The following VANGL1 variants were observed in gnomAD, a reference collection of about 807,000 sequenced individuals.
VANGL1 encodes the protein VANGL planar cell polarity protein 1.
VANGL1 carries 18 observed loss-of-function variants against 48.4 expected under a neutral mutation model. The ratio of observed to expected loss-of-function variants is 0.37; its 90% CI spans 0.26 to 0.55. VANGL1 has a LOEUF of 0.55. Ranked by LOEUF, VANGL1 falls within the 20% of genes least tolerant of loss-of-function variation. VANGL1 has a pLI of 0.81. For missense variants in VANGL1, 667 were observed against 675.8 expected (o/e 0.99, Z 0.14); for synonymous variants, 257 against 261.8 (o/e 0.98, Z 0.18).
intron 4 of VANGL1, among the ~76,000 whole-genome samples, chr1:115,672,230 C>T (rs1041092606): frequency 2.0e-5 from 3 of 152,162 alleles, no homozygotes; most frequent in Admixed American, 6.5e-5. Context: ...ACTTCCTTGG[C>T]GCTCTGGGAT....
At chr1:115,686,224 A>G (rs1653611470) in intron 7 of VANGL1, among the ~76,000 whole-genome samples, 1 of 152,184 alleles carries the variant, frequency 6.6e-6, no homozygotes, top group East Asian at 1.9e-4. Context: ...AGTGCTTGAA[A>G]CAGTACCTGT....
At chr1:115,681,308 A>G (rs1392294468) in intron 4 of VANGL1, among the ~76,000 whole-genome samples, 4 of 151,908 alleles carry the variant, frequency 2.6e-5, no homozygotes, top group Non-Finnish European at 5.9e-5. Flanking sequence ...CCTCTCTCCC[A>G]CTTGTTGATG....
intron 4 of VANGL1, among the ~76,000 whole-genome samples, chr1:115,665,821 G>A (rs1402486516): frequency 6.6e-6 from 1 of 152,174 alleles, no homozygotes; most frequent in African/African-American, 2.4e-5. Context: ...GGAATGACCA[G>A]CAGTTTTGTG....
At chr1:115,671,804 G>A (rs1652986254) in intron 4 of VANGL1, among the ~76,000 whole-genome samples, 1 of 152,196 alleles carries the variant, frequency 6.6e-6, no homozygotes, top group African/African-American at 2.4e-5. Context: ...CACTTGTAGG[G>A]AAGCGTGTCT....
intron 4 of VANGL1, among the ~76,000 whole-genome samples, chr1:115,677,967 C>T (rs1274434790): frequency 2.0e-5 from 3 of 152,106 alleles, no homozygotes; most frequent in African/African-American, 7.2e-5. Context: ...GCCCTTTTTG[C>T]CTCTGAAATT....
In VANGL1 at chr1:115,663,580, C is replaced by A. The variant is rs900914940; in HGVS notation, c.205-81C>A. ...TGTGAATAGGGCTGGGTAGATGCAG[C>A]GGGCCCTGCATGTTCACTGCCCTTT... On this transcript the variant is annotated intron_variant, in intron 3 of 7. Coordinates refer to ENST00000355485, the MANE Select transcript of VANGL1 (RefSeq NM_138959.3). 3.8e-6 allele frequency: 6 copies of A among 1,570,980 alleles called. No individual in the cohort carries two copies. The South Asian group carries it at 5.6e-5, about 15-fold the overall frequency.
At chr1:115,643,950 G>C (rs952249193) in intron 1 of VANGL1, among the ~76,000 whole-genome samples, 1 of 152,142 alleles carries the variant, frequency 6.6e-6, no homozygotes, top group South Asian at 2.1e-4. Context: ...CTCCACATTG[G>C]GGCTGTGAGC....
Position 115,698,185 on chromosome 1 carries a change from T to TA in VANGL1, c.*6807dup, listed in dbSNP as rs1170681468. 1 of 152,262 alleles carries TA rather than the reference T, an allele frequency of 6.6e-6. No homozygotes were observed. Among genetic ancestry groups the TA allele is most frequent in the Non-Finnish European group, 1.5e-5 (1 of 68,040 alleles). 9.4% of individuals were successfully genotyped at this position (152,262 alleles called of 1,614,324 possible). On this transcript the variant is annotated 3_prime_UTR_variant, in exon 8 of 8. Coordinates refer to ENST00000355485, the MANE Select transcript of VANGL1 (RefSeq NM_138959.3). Reference sequence around the variant, plus strand: ...AAAATGTTTTACACATCACATTTTTTATACTGTAAACTTGGAAAATAAACT... The same window carrying TA: ...AAAATGTTTTACACATCACATTTTTTAATACTGTAAACTTGGAAAATAAACT...
chr1:115,662,341 G>A (rs1381354517), intron 3 of VANGL1, among the ~76,000 whole-genome samples: 1 of 152,122 alleles, frequency 6.6e-6, no homozygotes, highest in Non-Finnish European at 1.5e-5. Flanking sequence ...CACCCCCTTT[G>A]CCACTGCATC....
chr1:115,682,634 T>C, intron 5 of VANGL1, 137 bp downstream of exon 5: 3 of 1,352,148 alleles, frequency 2.2e-6, no homozygotes, highest in Non-Finnish European at 3.1e-6. Flanking sequence ...ACAATTTCTC[T>C]TTTTTATGTA....
Position 115,692,594 on chromosome 1 carries a change from G to T in VANGL1, c.*1215G>T, listed in dbSNP as rs1186196540. 6.5e-6 allele frequency: 1 copy of T among 152,754 alleles called. No individual in the cohort carries two copies. The highest frequency in any genetic ancestry group is 1.9e-4 in the East Asian group (1 of 5,202). The allele number at this position is 152,754 out of a possible 1,614,324, so 9.5% of individuals were successfully genotyped here. ...AAATGGACACTCTACAGAGTTTGGG[G>T]AAGGGAGAGTAGGGAGCCCATCTTG... On this transcript the variant is annotated 3_prime_UTR_variant, in exon 8 of 8. Transcript: ENST00000355485.
At position 115,693,391 on chromosome 1, in the gene VANGL1, T is replaced by G. The variant is rs1472530706; in HGVS notation, c.*2012T>G. ...ATGTACATATAGTTAATAATGACAC[T>G]GTTCATCACCATTCTAAAATACTGT... On this transcript the variant is annotated 3_prime_UTR_variant, in exon 8 of 8. Coordinates refer to ENST00000355485, the MANE Select transcript of VANGL1 (RefSeq NM_138959.3). 2 of 152,682 alleles carry G rather than the reference T, an allele frequency of 1.3e-5. No individual in the cohort carries two copies. The highest frequency in any genetic ancestry group is 2.9e-5 in the Non-Finnish European group (2 of 68,058). 9.5% of individuals were successfully genotyped at this position (152,682 alleles called of 1,614,324 possible). A position where few individuals can be genotyped will look rare whatever the true frequency, so the allele number is the denominator to read the frequency against.
intron 4 of VANGL1, among the ~76,000 whole-genome samples, chr1:115,666,744 G>T (rs1215166117): frequency 6.6e-6 from 1 of 152,106 alleles, no homozygotes; most frequent in East Asian, 1.9e-4. Flanking sequence ...GGCCCCCTTT[G>T]TCCCTCTCGT....
chr1:115,644,552 A>G (rs1651844379), intron 1 of VANGL1, among the ~76,000 whole-genome samples: 4 of 152,216 alleles, frequency 2.6e-5, no homozygotes, highest in African/African-American at 9.7e-5. Context: ...TGATGTTAGC[A>G]GTATTGAAGT....
At chr1:115,648,090 T>G (rs1652006567) in intron 1 of VANGL1, among the ~76,000 whole-genome samples, 1 of 152,098 alleles carries the variant, frequency 6.6e-6, no homozygotes. Flanking sequence ...GGAGAAGTAG[T>G]AACATAAGCG....
chr1:115,646,173 G>A (rs58153220), intron 1 of VANGL1, among the ~76,000 whole-genome samples: 8,451 of 152,246 alleles, frequency 0.056, 265 homozygotes, highest in East Asian at 0.11. Flanking sequence ...AAAGGGTGGT[G>A]AAGGAGGTTC....
intron 3 of VANGL1, among the ~76,000 whole-genome samples, chr1:115,660,063 C>G (rs1280257734): frequency 6.6e-6 from 1 of 152,076 alleles, no homozygotes; most frequent in Non-Finnish European, 1.5e-5. Context: ...TCCCACGACT[C>G]ATTTCAAAAT....
At chr1:115,686,056 T>C (rs1001291215) in intron 7 of VANGL1, among the ~76,000 whole-genome samples, 1 of 152,164 alleles carries the variant, frequency 6.6e-6, no homozygotes, top group Admixed American at 6.5e-5. Flanking sequence ...GTGTACCACA[T>C]GCCAAGCTCA....
intron 2 of VANGL1, among the ~76,000 whole-genome samples, chr1:115,654,423 T>A (rs1471092973): frequency 6.8e-6 from 1 of 147,042 alleles, no homozygotes; most frequent in African/African-American, 2.6e-5. Context: ...TGTGGACTCC[T>A]GCTGACCCCG....
Sources: allele counts gnomAD v4.1 joint callset (sites outside exome capture counted in the v4.1 genomes callset), GRCh38; gene constraint gnomAD v4.1.1; transcripts MANE v1.5; gene names NCBI Gene and HGNC (gene_info 2026-07-23, HGNC 2026-07-21).